MED13L: variants seen among roughly 807,000 people sequenced by gnomAD.
MED13L encodes the protein mediator complex subunit 13L.
In MED13L, 7 loss-of-function variants were observed where a neutral mutation model predicts 220.9. The observed-to-expected ratio is 0.03, with a 90% confidence interval of 0.02 to 0.06. The LOEUF (loss-of-function observed/expected upper bound fraction) is 0.06. Among genes scored for constraint, MED13L ranks in the 10% least tolerant of loss-of-function variants. The pLI, the probability that MED13L is intolerant of heterozygous loss-of-function variation, is 1.00. For synonymous variants in MED13L, 1,011 were observed against 1,015.2 expected (o/e 1.00, Z 0.08); for missense variants, 1,965 against 2,760.5 (o/e 0.71, Z 6.46).
chr12:116,204,548 T>C (rs1011429611), intron 2 of MED13L, among the ~76,000 whole-genome samples: 2 of 152,222 alleles, frequency 1.3e-5, no homozygotes, highest in African/African-American at 4.8e-5. Context: ...ACTGCCTTTC[T>C]TCTAGTATGT....
At chr12:116,182,890 C>A (rs1231895136) in intron 2 of MED13L, among the ~76,000 whole-genome samples, 2 of 152,178 alleles carry the variant, frequency 1.3e-5, no homozygotes, top group Admixed American at 1.3e-4. Flanking sequence ...CACTGCTCTT[C>A]ATGTGCTACA....
intron 8 of MED13L, 140 bp from the exon 9 acceptor site, chr12:116,013,041 A>C (rs1345120102): frequency 5.8e-6 from 4 of 692,692 alleles, no homozygotes; most frequent in East Asian, 2.7e-5. Context: ...CCAATGAATA[A>C]AACAACCTGT....
intron 23 of MED13L, among the ~76,000 whole-genome samples, chr12:115,978,796 A>G (rs567927535): frequency 6.6e-6 from 1 of 152,372 alleles, no homozygotes; most frequent in East Asian, 1.9e-4. Flanking sequence ...AACACTAAAT[A>G]AAATATGATT....
chr12:116,115,576 G>T (rs1874436032), intron 2 of MED13L, among the ~76,000 whole-genome samples: 1 of 151,754 alleles, frequency 6.6e-6, no homozygotes, highest in South Asian at 2.1e-4. Flanking sequence ...ACATGCCACA[G>T]ATGGGGAATA....
intron 1 of MED13L, among the ~76,000 whole-genome samples, chr12:116,262,738 T>C (rs1355020067): frequency 6.6e-6 from 1 of 152,240 alleles, no homozygotes; most frequent in Non-Finnish European, 1.5e-5. Context: ...TAACAAACTA[T>C]GGATTCTCAT....
In MED13L at chr12:115,991,411, T is replaced by C. The variant is rs985040750; in HGVS notation, c.3543A>G (p.Glu1181=). ...KLGYNSGLFL[E]DELDIFGKNS... ...TCTTCCCAAAAATATCCAACTCATC[T>C]TCAAGGAAGAGTCCTGAATTGTAGC... Residue 1181 remains glutamate, a synonymous_variant, in exon 17 of 31, where the codon GAA becomes GAG. Transcript: ENST00000281928. The surrounding 1 kb of genome is among the most constrained non-coding windows in gnomAD (Gnocchi z 7.7). 5.6e-6 allele frequency: 9 copies of C among 1,614,042 alleles called. No individual in the cohort carries two copies. Among genetic ancestry groups the C allele is most frequent in the Non-Finnish European group, 7.6e-6 (9 of 1,180,038 alleles).
intron 14 of MED13L, among the ~76,000 whole-genome samples, chr12:115,999,366 C>T (rs868750607): frequency 6.6e-6 from 1 of 151,276 alleles, no homozygotes; most frequent in East Asian, 1.9e-4. Flanking sequence ...AATCCAGCCT[C>T]GGTGAAAGAG....
chr12:116,148,532 T>C (rs1436572358), intron 2 of MED13L: 2 of 325,998 alleles, frequency 6.1e-6, no homozygotes, highest in Admixed American at 6.5e-5. Flanking sequence ...GAAAAAGTGA[T>C]GTCAAGTTGA....
chr12:116,030,989 T>C (rs565328000), intron 4 of MED13L, among the ~76,000 whole-genome samples: 24 of 152,230 alleles, frequency 1.6e-4, no homozygotes, highest in South Asian at 4.1e-4. Context: ...ACTAATACAA[T>C]GCATTAACAG....
chr12:116,247,820 T>C (rs892923036), intron 1 of MED13L, among the ~76,000 whole-genome samples: 1 of 152,252 alleles, frequency 6.6e-6, no homozygotes, highest in Admixed American at 6.5e-5. Context: ...AGTTGGTTTA[T>C]AGCGTAAGTA....
chr12:116,199,647 C>T (rs1881870318), intron 2 of MED13L, among the ~76,000 whole-genome samples: 1 of 151,926 alleles, frequency 6.6e-6, no homozygotes, highest in Admixed American at 6.6e-5. Flanking sequence ...TTTGGTTAAA[C>T]AGTCATCAAA....
At chr12:116,020,170 G>A (rs1485267741) in intron 5 of MED13L, among the ~76,000 whole-genome samples, 198 bp from the exon 6 acceptor site, 2 of 152,068 alleles carry the variant, frequency 1.3e-5, no homozygotes, top group African/African-American at 4.8e-5. Flanking sequence ...TCACTATGTT[G>A]CTCAGGCTGG....
At chr12:115,993,914 A>AT (rs1426012445) in intron 16 of MED13L, among the ~76,000 whole-genome samples, 1 of 152,222 alleles carries the variant, frequency 6.6e-6, no homozygotes, top group Non-Finnish European at 1.5e-5. Context: ...GAAGCAAATG[A>AT]TTGCAGGGGT....
intron 1 of MED13L, among the ~76,000 whole-genome samples, chr12:116,241,371 G>GA (rs1209037315): frequency 6.8e-6 from 1 of 147,400 alleles, no homozygotes; most frequent in African/African-American, 2.5e-5. Flanking sequence ...CAATAAATAT[G>GA]AATCACTAAT....
At chr12:115,976,076 A>C (rs1876917143) in intron 23 of MED13L, among the ~76,000 whole-genome samples, 2 of 152,208 alleles carry the variant, frequency 1.3e-5, no homozygotes, top group African/African-American at 4.8e-5. Flanking sequence ...AGTATGTCGA[A>C]AATAAAAAAA....
At chr12:115,972,471 G>A (rs903248131) in intron 25 of MED13L, 29 of 512,100 alleles carry the variant, frequency 5.7e-5, no homozygotes, top group Middle Eastern at 5.7e-4. Flanking sequence ...TGTCTGAAAT[G>A]ACCTTTGAGA....
At chr12:115,963,561 A>C in intron 29 of MED13L, 42 bp from the exon 30 acceptor site, 5 of 1,429,376 alleles carry the variant, frequency 3.5e-6, no homozygotes, top group Non-Finnish European at 4.9e-6. Context: ...GGTCTAGACA[A>C]TCACAGTGCA....
At chr12:116,090,678 G>A (rs1479745473) in intron 4 of MED13L, among the ~76,000 whole-genome samples, 1 of 152,142 alleles carries the variant, frequency 6.6e-6, no homozygotes, top group Admixed American at 6.5e-5. Context: ...GGTCCCACAA[G>A]GTCAAATAGT....
intron 2 of MED13L, among the ~76,000 whole-genome samples, chr12:116,152,471 G>C (rs1055275521): frequency 6.6e-6 from 1 of 152,148 alleles, no homozygotes; most frequent in African/African-American, 2.4e-5. Context: ...ACCATGCAAA[G>C]AATGCAAGCC....
Sources: gnomAD v4.1 joint callset for allele counts (sites outside exome capture counted in the v4.1 genomes callset) on GRCh38, gnomAD v4.1.1 for gene constraint, Gnocchi (gnomAD v3.1) non-coding constraint, MANE v1.5 for transcripts, NCBI Gene and HGNC (gene_info 2026-07-23, HGNC 2026-07-21) for gene names.